Variants in AGBL1 observed in about 807,000 individuals in gnomAD.
AGBL1 encodes cytosolic carboxypeptidase 4.
AGBL1 carries 130 observed loss-of-function variants against 118.9 expected under a neutral mutation model. That is an observed-to-expected ratio of 1.09 (90% CI 0.95 to 1.26). AGBL1 has a LOEUF of 1.26. Ranked by LOEUF, AGBL1 falls within the 50% of genes most tolerant of loss-of-function variation. AGBL1 has a pLI of 0.00. For synonymous variants in AGBL1, 555 were observed against 478.9 expected (o/e 1.16, Z -2.08); for missense variants, 1,584 against 1,298.1 (o/e 1.22, Z -3.38).
At chr15:86,899,263 T>A (rs1223694861) in intron 22 of AGBL1, among the ~76,000 whole-genome samples, 1 of 152,174 alleles carries the variant, frequency 6.6e-6, no homozygotes, top group Non-Finnish European at 1.5e-5. Flanking sequence ...AAGGCCATTA[T>A]CCTCAGCAAA....
chr15:86,443,354 T>G (rs992571412), intron 18 of AGBL1, among the ~76,000 whole-genome samples: 2 of 152,212 alleles, frequency 1.3e-5, no homozygotes, highest in Admixed American at 6.5e-5. Flanking sequence ...TTTCACATAC[T>G]TACGGGGTAT....
Position 86,158,929 on chromosome 15 carries a change from T to G in AGBL1, c.395-4T>G. Reference sequence around the variant, plus strand: ...CATAACTACTGTGCTTTTGTTTTTCTTAGTCTCCATGGGAGCCATGCTGGG... The same window carrying G: ...CATAACTACTGTGCTTTTGTTTTTCGTAGTCTCCATGGGAGCCATGCTGGG... On this transcript the variant is annotated splice_polypyrimidine_tract_variant and splice_region_variant and intron_variant, in intron 4 of 22. Coordinates refer to ENST00000614907, the MANE Select transcript of AGBL1 (RefSeq NM_001386094.1). The G allele has an allele frequency of 6.2e-7, 1 of 1,612,978 alleles. No homozygotes were observed. Among genetic ancestry groups the G allele is most frequent in the Non-Finnish European group, 8.5e-7 (1 of 1,179,140 alleles).
At chr15:86,825,436 G>GATAT (rs2141397851) in intron 22 of AGBL1, among the ~76,000 whole-genome samples, 1 of 61,994 alleles carries the variant, frequency 1.6e-5, no homozygotes, top group Non-Finnish European at 3.5e-5. Context: ...TTGCAAGCCA[G>GATAT]ATATCTGGGA....
intron 17 of AGBL1, among the ~76,000 whole-genome samples, chr15:86,372,675 A>G (rs2080987462): frequency 6.6e-6 from 1 of 152,208 alleles, no homozygotes; most frequent in Non-Finnish European, 1.5e-5. Context: ...GGCTACCTCT[A>G]CAATGTCACC....
chr15:86,901,016 T>A (rs2080204692), intron 22 of AGBL1, among the ~76,000 whole-genome samples: 1 of 152,182 alleles, frequency 6.6e-6, no homozygotes, highest in Non-Finnish European at 1.5e-5. Context: ...CATTTTTTAA[T>A]CCCCATATTC....
intron 22 of AGBL1, among the ~76,000 whole-genome samples, chr15:86,900,536 T>C (rs1005261218): frequency 6.6e-6 from 1 of 152,178 alleles, no homozygotes; most frequent in African/African-American, 2.4e-5. Context: ...TCATAGTCTA[T>C]AGATTGAGGT....
intron 5 of AGBL1, among the ~76,000 whole-genome samples, chr15:86,193,577 C>T (rs1646941613): frequency 6.6e-6 from 1 of 152,130 alleles, no homozygotes; most frequent in Admixed American, 6.5e-5. Context: ...GAGACTTGTA[C>T]ACAGGCACAG....
intron 22 of AGBL1, among the ~76,000 whole-genome samples, chr15:86,821,180 T>C (rs1295249897): frequency 6.6e-6 from 1 of 151,358 alleles, no homozygotes; most frequent in Admixed American, 6.6e-5. Context: ...TGTCAGGAGA[T>C]TGGGGGGTTG....
chr15:86,180,863 T>C (rs1288773048), intron 5 of AGBL1, among the ~76,000 whole-genome samples: 1 of 152,064 alleles, frequency 6.6e-6, no homozygotes, highest in Non-Finnish European at 1.5e-5. Context: ...ACAAAAGATT[T>C]GAACAGATAT....
intron 6 of AGBL1, among the ~76,000 whole-genome samples, chr15:86,238,960 C>T (rs1405341467): frequency 1.3e-5 from 2 of 152,012 alleles, no homozygotes; most frequent in African/African-American, 2.4e-5. Context: ...ATAGGTGCAG[C>T]ATTGCAACCT....
intron 18 of AGBL1, among the ~76,000 whole-genome samples, chr15:86,479,707 C>G (rs1237384601): frequency 1.3e-5 from 2 of 152,152 alleles, no homozygotes; most frequent in Admixed American, 1.3e-4. Flanking sequence ...ACTAGAAATA[C>G]CATTTGACCC....
At chr15:86,957,266 T>C (rs1007057801) in intron 23 of AGBL1, among the ~76,000 whole-genome samples, 2 of 152,132 alleles carry the variant, frequency 1.3e-5, no homozygotes, top group Non-Finnish European at 1.5e-5. Flanking sequence ...ACTAAAATCC[T>C]ACAGAAAATT....
chr15:86,835,206 A>G (rs2079154536), intron 22 of AGBL1, among the ~76,000 whole-genome samples: 2 of 152,168 alleles, frequency 1.3e-5, no homozygotes, highest in African/African-American at 4.8e-5. Context: ...TGAGGCAAAA[A>G]GAAGTGAAGC....
intron 22 of AGBL1, among the ~76,000 whole-genome samples, chr15:86,816,197 A>T (rs376329520): frequency 3.9e-5 from 6 of 152,234 alleles, no homozygotes; most frequent in East Asian, 3.9e-4. Context: ...ACAGAGGACA[A>T]AATGTATAGT....
rs879709310 is a variant in AGBL1 at position 86,721,608 on chromosome 15, C to G, written c.3158+47172C>G. On this transcript the variant is annotated intron_variant, in intron 22 of 22. Coordinates refer to ENST00000614907, the MANE Select transcript of AGBL1 (RefSeq NM_001386094.1). ...TGAAAACTGGCACAAGACAGGGATG[C>G]CCTCTCTCACCACTCCTATTCAACA... Among the ~76,000 whole-genome samples, 416 of 152,270 alleles carry G rather than the reference C, an allele frequency of 2.7e-3. 1 individual carries two copies. The highest frequency in any genetic ancestry group is 4.5e-3 in the Non-Finnish European group (306 of 68,024).
Position 86,234,280 on chromosome 15 carries a change from C to T in AGBL1, c.526+9329C>T, listed in dbSNP as rs561805643. Among the ~76,000 whole-genome samples the T allele has an allele frequency of 5.9e-5, 9 of 152,064 alleles. No homozygotes were observed. In the South Asian group the frequency reaches 1.0e-3, roughly 18 times the overall value. On this transcript the variant is annotated intron_variant, in intron 6 of 22. Coordinates refer to ENST00000614907, the MANE Select transcript of AGBL1 (RefSeq NM_001386094.1). The stretch of plus-strand genomic sequence containing the variant: ...AAAGAGTAAGTCACAAGGCCGAGAG[C>T]GGTGGCTCATGCCTCTAATCCCAGC...
At chr15:86,096,722 A>G (rs1896399623) in intron 1 of AGBL1, among the ~76,000 whole-genome samples, 1 of 152,202 alleles carries the variant, frequency 6.6e-6, no homozygotes, top group Non-Finnish European at 1.5e-5. Context: ...AGAGAATTCA[A>G]TGCTTCAATT....
chr15:86,272,833 A>G (rs764710143), intron 15 of AGBL1, among the ~76,000 whole-genome samples: 5 of 152,202 alleles, frequency 3.3e-5, no homozygotes, highest in Non-Finnish European at 5.9e-5. Context: ...AAAATTGCAC[A>G]ATATTATGAC....
At chr15:86,591,385 C>G (rs1012018316) in intron 21 of AGBL1, among the ~76,000 whole-genome samples, 2 of 152,146 alleles carry the variant, frequency 1.3e-5, no homozygotes, top group Non-Finnish European at 2.9e-5. Flanking sequence ...TGCCACAGAT[C>G]AAGGGCTCAG....
Sources: allele counts gnomAD v4.1 joint callset (sites outside exome capture counted in the v4.1 genomes callset), GRCh38; gene constraint gnomAD v4.1.1; transcripts MANE v1.5; gene names NCBI Gene and HGNC (gene_info 2026-07-23, HGNC 2026-07-21).